The following RAD51AP2 variants were observed in gnomAD, a reference collection of about 807,000 sequenced individuals.
RAD51AP2 encodes the protein RAD51 associated protein 2.
In RAD51AP2, 67 loss-of-function variants were observed where a neutral mutation model predicts 85.5. That is an observed-to-expected ratio of 0.78 (90% CI 0.64 to 0.96). The LOEUF is 0.96. RAD51AP2 is among the 40% of genes least tolerant of loss of function. The pLI is 0.00. For synonymous variants in RAD51AP2, 474 were observed against 446.5 expected (o/e 1.06, Z -0.78); for missense variants, 1,307 against 1,332.4 (o/e 0.98, Z 0.30).
At chr2:17,521,100 C>T (rs1662846633), upstream of RAD51AP2, among the ~76,000 whole-genome samples, 1 of 152,022 alleles carries the variant, frequency 6.6e-6, no homozygotes, top group African/African-American at 2.4e-5. Flanking sequence ...TTTTGTATCC[C>T]CAGTGCCTCT....
chr2:17,536,153 A>C, the RAD51AP2 span, among the ~76,000 whole-genome samples: 2 of 152,194 alleles, frequency 1.3e-5, no homozygotes, highest in African/African-American at 4.8e-5. Context: ...ACTCTAGATT[A>C]AAGAAAACAC....
At chr2:17,520,907 G>A (rs770495720), upstream of RAD51AP2, among the ~76,000 whole-genome samples, 3 of 151,886 alleles carry the variant, frequency 2.0e-5, no homozygotes, top group East Asian at 3.9e-4. Context: ...TTACCTCTAC[G>A]GTGAAAGCTT....
At chr2:17,532,314 C>T in the RAD51AP2 span, among the ~76,000 whole-genome samples, 2 of 152,056 alleles carry the variant, frequency 1.3e-5, no homozygotes, top group Non-Finnish European at 2.9e-5. Flanking sequence ...GAATCTGTTC[C>T]ATGCCACTTC....
In RAD51AP2 at chr2:17,518,208, G is replaced by T. The variant is rs1662754614; in HGVS notation, c.208C>A (p.Pro70Thr). The change falls in exon 1 of 3, where the codon CCC becomes ACC. Residue 70 changes from proline (P) to threonine (T), a missense_variant. Physicochemically the swap from Pro to Thr is conservative, Grantham distance 38 (BLOSUM62 -1). This residue lies in a region of RAD51AP2 where 635 missense variants were observed against 643.6 expected (regional missense o/e 0.99). Transcript: ENST00000399080. ...GTTGAAACAAGGAGTCCCTTGAAGG[G>T]TCTAGGGGACAACTCCCAGACTTTT... is the stretch of plus-strand genomic sequence containing the variant. Reference protein sequence around the residue: ...AEKVWELSPRPFKGLLVSTNA... With the variant: ...AEKVWELSPRTFKGLLVSTNA... 6.2e-7 allele frequency: 1 copy of T among 1,614,140 alleles called. No homozygotes were observed. Among genetic ancestry groups the T allele is most frequent in the Non-Finnish European group, 8.5e-7 (1 of 1,180,020 alleles).
the RAD51AP2 span, among the ~76,000 whole-genome samples, chr2:17,526,406 A>G: frequency 1.3e-5 from 2 of 151,982 alleles, no homozygotes; most frequent in African/African-American, 4.8e-5. Context: ...TTGCTTAGCA[A>G]TGTAATAGCA....
chr2:17,516,273 G>C lies in RAD51AP2; in HGVS notation c.2143C>G (p.Gln715Glu), dbSNP rs1479646982. 1.2e-6 allele frequency: 2 copies of C among 1,610,670 alleles called. No homozygotes were observed. The highest frequency in any genetic ancestry group is 1.7e-6 in the Non-Finnish European group (2 of 1,179,134). The stretch of plus-strand genomic sequence containing the variant: ...CAATTTTCCACATTCACAACTTGTT[G>C]AGGACAACTCATATTCTGACAAGTA... ...EITCQNMSCP[Q>E]QVVNVENWAH... The change falls in exon 1 of 3, where the codon CAA (glutamine) becomes GAA (glutamate). Residue 715 changes from glutamine to glutamate, a missense_variant. By Grantham distance (29) the Gln-to-Glu change is conservative (BLOSUM62 2). Coordinates refer to ENST00000399080, the MANE Select transcript of RAD51AP2 (RefSeq NM_001099218.3).
chr2:17,513,704 C>T (rs1662564255), intron 2 of RAD51AP2, among the ~76,000 whole-genome samples: 1 of 152,170 alleles, frequency 6.6e-6, no homozygotes, highest in Admixed American at 6.5e-5. Context: ...GTCCCTATTA[C>T]ACATCTCTAT....
rs759232654 is a variant in RAD51AP2, at chr2:17,510,972, A to G, written c.3329-17T>C. 5 of 1,552,706 alleles carry G rather than the reference A, an allele frequency of 3.2e-6. No individual in the cohort carries two copies. Among genetic ancestry groups the G allele is most frequent in the Non-Finnish European group, 3.5e-6 (4 of 1,149,600 alleles). On this transcript the variant is annotated splice_polypyrimidine_tract_variant and intron_variant, in intron 2 of 2. Coordinates refer to ENST00000399080, the MANE Select transcript of RAD51AP2 (RefSeq NM_001099218.3). ...AGTGACTACCTAAAAATATAAGACA[A>G]TAAAAGTAAAAATTATCAATAGTTT...
At chr2:17,519,033 C>T (rs1662796394), upstream of RAD51AP2, among the ~76,000 whole-genome samples, 1 of 151,972 alleles carries the variant, frequency 6.6e-6, no homozygotes, top group Non-Finnish European at 1.5e-5. Context: ...CAGTACTTAC[C>T]AGTCTATCTG....
chr2:17,523,515 A>G, the RAD51AP2 span, among the ~76,000 whole-genome samples: 1 of 151,918 alleles, frequency 6.6e-6, no homozygotes, highest in African/African-American at 2.4e-5. Flanking sequence ...TATTATTCAT[A>G]CTATCTAAGT....
chr2:17,531,071 A>G, the RAD51AP2 span, among the ~76,000 whole-genome samples: 1 of 152,222 alleles, frequency 6.6e-6, no homozygotes. Flanking sequence ...CATGACAGGT[A>G]GTAATATGTC....
rs1322393777 is a variant in RAD51AP2 at position 17,513,751 on chromosome 2, A to G, written c.3328+261T>C. ...ACTAGGCATATGCAACACTTAACAT[A>G]TAGTCACTTTAATACATCAATACAA... On this transcript the variant is annotated intron_variant, in intron 2 of 2. Transcript: ENST00000399080. Among the ~76,000 whole-genome samples the G allele has an allele frequency of 2.6e-5, 4 of 152,218 alleles. No individual in the cohort carries two copies. The East Asian group carries it at 7.7e-4, about 29-fold the overall frequency.
At chr2:17,520,289 C>CTATT (rs1432374537), upstream of RAD51AP2, among the ~76,000 whole-genome samples, 4 of 152,054 alleles carry the variant, frequency 2.6e-5, no homozygotes, top group Non-Finnish European at 5.9e-5. Flanking sequence ...ATTGAAACCA[C>CTATT]TATTTATGTG....
chr2:17,514,537 G>GGT (rs1553293561), intron 1 of RAD51AP2, among the ~76,000 whole-genome samples: 1 of 51,244 alleles, frequency 2.0e-5, no homozygotes, highest in African/African-American at 4.9e-5. Flanking sequence ...CGAGGGCGGC[G>GGT]GGGGGGGTGG....
the RAD51AP2 span, among the ~76,000 whole-genome samples, chr2:17,537,764 T>C: frequency 6.6e-6 from 1 of 152,202 alleles, no homozygotes; most frequent in Non-Finnish European, 1.5e-5. Context: ...GAAAATCTAC[T>C]GTTGGTATTG....
chr2:17,512,804 C>G lies in RAD51AP2; in HGVS notation c.3328+1208G>C, dbSNP rs375353020. Among the ~76,000 whole-genome samples, 6 of 152,208 alleles carry G rather than the reference C, an allele frequency of 3.9e-5. No homozygotes were observed. In the East Asian group the frequency reaches 1.2e-3, roughly 29 times the overall value. On this transcript the variant is annotated intron_variant, in intron 2 of 2. Coordinates refer to ENST00000399080, the MANE Select transcript of RAD51AP2 (RefSeq NM_001099218.3). Reference sequence around the variant, plus strand: ...GTTCCATCAGTTACTTCCTTCATCCCGGGGAGAAGAGACTACCTGTGGGCT... The same window carrying G: ...GTTCCATCAGTTACTTCCTTCATCCGGGGGAGAAGAGACTACCTGTGGGCT...
chr2:17,522,170 A>G (rs1662870342), upstream of RAD51AP2, among the ~76,000 whole-genome samples: 1 of 152,070 alleles, frequency 6.6e-6, no homozygotes, highest in Non-Finnish European at 1.5e-5. Flanking sequence ...AGAATAAAAT[A>G]CAAACTTTAA....
the RAD51AP2 span, among the ~76,000 whole-genome samples, chr2:17,531,055 G>A: frequency 6.6e-6 from 1 of 152,156 alleles, no homozygotes; most frequent in Non-Finnish European, 1.5e-5. Context: ...TGACCCTGAA[G>A]GTTATCATGA....
At chr2:17,524,826 A>G in the RAD51AP2 span, among the ~76,000 whole-genome samples, 2 of 152,076 alleles carry the variant, frequency 1.3e-5, no homozygotes, top group South Asian at 2.1e-4. Flanking sequence ...TAAAAAATAA[A>G]TGCTGTGAAA....
Sources: gnomAD v4.1 joint callset for allele counts (sites outside exome capture counted in the v4.1 genomes callset) on GRCh38, gnomAD v4.1.1 for gene constraint, gnomAD v4.1.1 regional missense constraint, MANE v1.5 for transcripts, NCBI Gene and HGNC (gene_info 2026-07-23, HGNC 2026-07-21) for gene names.